PAG1: variants seen among roughly 807,000 people sequenced by gnomAD.
PAG1 encodes the protein phosphoprotein associated with glycosphingolipid-enriched microdomains 1.
A neutral mutation model predicts 31.7 loss-of-function variants in PAG1; 23 were observed. That is an observed-to-expected ratio of 0.73 (90% confidence interval 0.52 to 1.03). The LOEUF is 1.03. PAG1 is among the 50% of genes least tolerant of loss of function. The pLI is 0.00. For missense variants in PAG1, 473 were observed against 540.7 expected, an observed-to-expected ratio of 0.87 and a Z score of 1.24; for synonymous variants, 214 against 210.3, an observed-to-expected ratio of 1.02 and a Z score of -0.15.
chr8:81,093,609 T>C (rs73692343), intron 1 of PAG1, among the ~76,000 whole-genome samples: 18,821 of 151,752 alleles, frequency 0.12, 3,391 homozygotes, highest in African/African-American at 0.39. Context: ...GATCATGTCT[T>C]GTATGCCATA....
At chr8:81,088,897 T>C (rs900452118) in intron 1 of PAG1, among the ~76,000 whole-genome samples, 1 of 152,270 alleles carries the variant, frequency 6.6e-6, no homozygotes, top group Non-Finnish European at 1.5e-5. Flanking sequence ...GGACAGTTTC[T>C]TTCTTGTCAA....
intron 3 of PAG1, among the ~76,000 whole-genome samples, chr8:81,010,189 A>C (rs1440568565): frequency 6.6e-6 from 1 of 152,204 alleles, no homozygotes; most frequent in Admixed American, 6.5e-5. Flanking sequence ...TCCTCTTCCC[A>C]CATAACGAGT....
intron 3 of PAG1, among the ~76,000 whole-genome samples, chr8:80,997,076 C>A (rs1029952659): frequency 6.6e-6 from 1 of 152,118 alleles, no homozygotes; most frequent in African/African-American, 2.4e-5. Context: ...TCCACAAGGA[C>A]CATCTTATTT....
chr8:81,056,729 T>C (rs1808828907), intron 2 of PAG1, among the ~76,000 whole-genome samples: 1 of 152,100 alleles, frequency 6.6e-6, no homozygotes, highest in African/African-American at 2.4e-5. Flanking sequence ...TGGGATCTAA[T>C]TAAACTAAAG....
intron 3 of PAG1, among the ~76,000 whole-genome samples, chr8:81,020,842 A>G (rs576289644): frequency 1.3e-5 from 2 of 152,346 alleles, no homozygotes; most frequent in South Asian, 4.1e-4. Flanking sequence ...TTCATCCTTA[A>G]TAAACTCTAT....
Position 80,985,058 on chromosome 8 carries a change from T to C in PAG1, c.594A>G (p.Lys198=), listed in dbSNP as rs1330878866. The C allele has an allele frequency of 1.9e-6, 3 of 1,614,144 alleles. No individual in the cohort carries two copies. The highest frequency in any genetic ancestry group is 4.5e-5 in the East Asian group (2 of 44,886). Reference sequence around the variant, plus strand: ...TAGATTTTGCCTTGCCACTGTGGCCTTTCTCCAGGTGTGCAGCTGCAGCCA... The same window carrying C: ...TAGATTTTGCCTTGCCACTGTGGCCCTTCTCCAGGTGTGCAGCTGCAGCCA... The part of the protein sequence containing the change: ...KEVAAAAHLE[K]GHSGKAKSTS... Residue 198 remains lysine (K), a synonymous_variant, in exon 7 of 9, where the codon AAA becomes AAG. Transcript: ENST00000220597.
At chr8:80,986,317 T>C (rs1321512905) in intron 6 of PAG1, among the ~76,000 whole-genome samples, 1 of 152,192 alleles carries the variant, frequency 6.6e-6, no homozygotes, top group Non-Finnish European at 1.5e-5. Context: ...TCTAGTTGTC[T>C]ACATCATGGT....
chr8:81,049,612 A>G (rs1436436142), intron 2 of PAG1, among the ~76,000 whole-genome samples: 1 of 152,244 alleles, frequency 6.6e-6, no homozygotes, highest in East Asian at 1.9e-4. Context: ...GTTGAATGCT[A>G]ACTGGATGCT....
At chr8:81,073,317 G>A (rs1394431459) in intron 1 of PAG1, among the ~76,000 whole-genome samples, 3 of 152,266 alleles carry the variant, frequency 2.0e-5, no homozygotes, top group East Asian at 1.9e-4. Context: ...GAGCAGTGTC[G>A]GGTGGTTAAA....
Position 80,971,208 on chromosome 8 carries a change from C to T in PAG1, c.*5336G>A, listed in dbSNP as rs1807070642. Reference sequence around the variant, plus strand: ...TGGACAATTTGACCATTATGAAGATCTTTTGAAACAATCAATGAAAATGCT... The same window carrying T: ...TGGACAATTTGACCATTATGAAGATTTTTTGAAACAATCAATGAAAATGCT... On this transcript the variant is annotated 3_prime_UTR_variant, in exon 9 of 9. Transcript: ENST00000220597. 1 of 152,148 alleles carries T rather than the reference C, an allele frequency of 6.6e-6. No individual in the cohort carries two copies. The highest frequency in any genetic ancestry group is 1.5e-5 in the Non-Finnish European group (1 of 68,018). The allele number at this position is 152,148 out of a possible 1,614,324, so 9.4% of individuals were successfully genotyped here.
At position 81,085,972 on chromosome 8, in the gene PAG1, G is replaced by GTTTTTTTTT. The variant is rs869177030; in HGVS notation, c.-233-15811_-233-15803dup. ...AGTAGTTACGCTTTTAATCTGGCTT[G>GTTTTTTTTT]TTTTTTTTTTTTTTTTTTTTTTTTT... On this transcript the variant is annotated intron_variant, in intron 1 of 8. Coordinates refer to ENST00000220597, the MANE Select transcript of PAG1 (RefSeq NM_018440.4). Among the ~76,000 whole-genome samples the GTTTTTTTTT allele has an allele frequency of 4.8e-3, 280 of 58,904 alleles. 78 individuals carry two copies. Among genetic ancestry groups the GTTTTTTTTT allele is most frequent in the African/African-American group, 0.019 (263 of 13,782 alleles). 38.6% of individuals were successfully genotyped at this position (58,904 alleles called of 152,430 possible).
In PAG1 at chr8:81,021,043, T is replaced by A. The variant is rs1228347048; in HGVS notation, c.-81+8953A>T. On this transcript the variant is annotated intron_variant, in intron 3 of 8. Coordinates refer to ENST00000220597, the MANE Select transcript of PAG1 (RefSeq NM_018440.4). ...GGAGCCCAGATCATCTGAGCCTGCA[T>A]CCTCTTGCCCCGCTAGGGGCATCTG... Among the ~76,000 whole-genome samples the A allele has an allele frequency of 2.0e-5, 3 of 152,244 alleles. No homozygotes were observed. The East Asian group carries it at 5.8e-4, about 29-fold the overall frequency.
intron 3 of PAG1, among the ~76,000 whole-genome samples, chr8:81,016,352 T>C (rs188355155): frequency 2.6e-5 from 4 of 152,282 alleles, no homozygotes; most frequent in African/African-American, 4.8e-5. Context: ...GGCTATCAGG[T>C]TATTATACCT....
At chr8:81,070,993 G>A (rs965770649) in intron 1 of PAG1, among the ~76,000 whole-genome samples, 1 of 152,164 alleles carries the variant, frequency 6.6e-6, no homozygotes, top group African/African-American at 2.4e-5. Flanking sequence ...TCCACTGGGG[G>A]AAACTGGTGC....
intron 2 of PAG1, among the ~76,000 whole-genome samples, chr8:81,059,379 A>G (rs540169044): frequency 5.9e-5 from 9 of 152,182 alleles, no homozygotes; most frequent in African/African-American, 2.2e-4. Flanking sequence ...TTCTGTTTAG[A>G]TAAAAATATT....
intron 3 of PAG1, among the ~76,000 whole-genome samples, chr8:81,008,901 T>A (rs1051256427): frequency 6.6e-6 from 1 of 152,206 alleles, no homozygotes; most frequent in African/African-American, 2.4e-5. Flanking sequence ...TCTTGATTTA[T>A]CTGAATTTCT....
Position 81,022,896 on chromosome 8 carries a change from T to A in PAG1, c.-81+7100A>T, listed in dbSNP as rs115135392. On this transcript the variant is annotated intron_variant, in intron 3 of 8. Transcript: ENST00000220597. ...AGCTGACTACCCCATTGGCCTTTAA[T>A]CTCCCTTCTGCAACTGACCAGACCT... 8.8e-3 allele frequency among the ~76,000 whole-genome samples: 1,334 copies of A among 152,216 alleles called. 18 individuals carry two copies. Among genetic ancestry groups the A allele is most frequent in the African/African-American group, 0.031 (1,278 of 41,534 alleles).
chr8:81,049,216 C>T (rs1647773557), intron 2 of PAG1, among the ~76,000 whole-genome samples: 1 of 152,232 alleles, frequency 6.6e-6, no homozygotes, highest in Admixed American at 6.5e-5. Context: ...CTGTCATTAG[C>T]TTCACAACAT....
intron 8 of PAG1, among the ~76,000 whole-genome samples, chr8:80,977,221 G>GTTTTATTTCATTTCTTTA: frequency 6.6e-6 from 1 of 152,196 alleles, no homozygotes; most frequent in African/African-American, 2.4e-5. Flanking sequence ...CACAGCATGT[G>GTTTTATTTCATTTCTTTA]TTTTATTTCA....
Sources: allele counts gnomAD v4.1 joint callset (sites outside exome capture counted in the v4.1 genomes callset), GRCh38; gene constraint gnomAD v4.1.1; transcripts MANE v1.5; gene names NCBI Gene and HGNC (gene_info 2026-07-23, HGNC 2026-07-21).